NEGR1: variants seen among roughly 807,000 people sequenced by gnomAD.
The protein encoded by NEGR1 is IgLON family member 4.
In NEGR1, 10 loss-of-function variants were observed where a neutral mutation model predicts 40.9. The ratio of observed to expected loss-of-function variants is 0.24; its 90% CI spans 0.15 to 0.42. The LOEUF (loss-of-function observed/expected upper bound fraction) is 0.42. Ranked by LOEUF, NEGR1 falls within the 10% of genes least tolerant of loss-of-function variation. NEGR1 has a pLI of 1.00. For missense variants in NEGR1, 352 were observed against 438.9 expected (o/e 0.80, Z 1.77); for synonymous variants, 185 against 166.8 (o/e 1.11, Z -0.84).
intron 6 of NEGR1, among the ~76,000 whole-genome samples, chr1:71,576,290 A>C (rs992540465): frequency 2.0e-5 from 3 of 152,186 alleles, no homozygotes; most frequent in African/African-American, 7.2e-5. Context: ...TCTTCTCAGA[A>C]TGAGAGTCCT....
At chr1:71,533,139 T>A (rs940015260) in intron 6 of NEGR1, among the ~76,000 whole-genome samples, 3 of 151,590 alleles carry the variant, frequency 2.0e-5, no homozygotes, top group African/African-American at 7.3e-5. Context: ...AGGCAACATT[T>A]AGGAGTCATT....
intron 1 of NEGR1, among the ~76,000 whole-genome samples, chr1:72,081,360 C>A (rs181724498): frequency 2.9e-4 from 44 of 152,176 alleles, no homozygotes; most frequent in Non-Finnish European, 5.4e-4. Context: ...GTATAAATAT[C>A]TCTCCCTCTG....
At chr1:72,163,521 C>CAT (rs1045467917) in intron 1 of NEGR1, among the ~76,000 whole-genome samples, 6 of 151,996 alleles carry the variant, frequency 3.9e-5, no homozygotes, top group Non-Finnish European at 7.4e-5. Flanking sequence ...CAAATGGAGA[C>CAT]ATGAGAATGT....
chr1:72,194,577 A>T (rs1293118578), intron 1 of NEGR1, among the ~76,000 whole-genome samples: 1 of 152,020 alleles, frequency 6.6e-6, no homozygotes, highest in Admixed American at 6.6e-5. Flanking sequence ...AACTGAAAAT[A>T]ACCAGGAAGC....
chr1:71,810,208 C>G (rs891297090), intron 2 of NEGR1, among the ~76,000 whole-genome samples: 29 of 152,192 alleles, frequency 1.9e-4, no homozygotes, highest in African/African-American at 7.0e-4. Context: ...TTTGGTTAAG[C>G]TTTCCTTTGT....
intron 6 of NEGR1, among the ~76,000 whole-genome samples, chr1:71,548,900 G>A (rs1647986513): frequency 6.6e-6 from 1 of 151,662 alleles, no homozygotes. Flanking sequence ...CTTTGGTACA[G>A]CAAATATTGT....
At chr1:71,543,784 A>C (rs1165303146) in intron 6 of NEGR1, among the ~76,000 whole-genome samples, 2 of 151,728 alleles carry the variant, frequency 1.3e-5, no homozygotes, top group Admixed American at 1.3e-4. Flanking sequence ...GAAAAATCTC[A>C]GTTATGACCA....
intron 1 of NEGR1, among the ~76,000 whole-genome samples, chr1:72,208,037 C>G (rs1253187108): frequency 6.6e-6 from 1 of 151,468 alleles, no homozygotes; most frequent in African/African-American, 2.4e-5. Flanking sequence ...AAGAATAATT[C>G]TGCATATTCT....
At chr1:72,068,127 T>C (rs1329503226) in intron 1 of NEGR1, among the ~76,000 whole-genome samples, 2 of 152,192 alleles carry the variant, frequency 1.3e-5, no homozygotes, top group Non-Finnish European at 2.9e-5. Flanking sequence ...TCTGTAACAA[T>C]GTTGAGTTGT....
intron 3 of NEGR1, among the ~76,000 whole-genome samples, chr1:71,769,504 T>C (rs1656243342): frequency 1.3e-5 from 2 of 152,154 alleles, no homozygotes; most frequent in South Asian, 2.1e-4. Flanking sequence ...TAGGAGGTAA[T>C]TGAATGGTGA....
chr1:72,246,747 T>A (rs1304297048), intron 1 of NEGR1, among the ~76,000 whole-genome samples: 1 of 152,170 alleles, frequency 6.6e-6, no homozygotes, highest in Non-Finnish European at 1.5e-5. Flanking sequence ...CACTGGGGAC[T>A]CTGTGTGGGA....
intron 2 of NEGR1, among the ~76,000 whole-genome samples, chr1:71,811,448 C>T (rs989637694): frequency 1.3e-5 from 2 of 152,000 alleles, no homozygotes; most frequent in African/African-American, 2.4e-5. Context: ...TTCCTAACCA[C>T]CTTATTACAT....
intron 6 of NEGR1, among the ~76,000 whole-genome samples, chr1:71,474,185 A>T (rs538336889): frequency 3.3e-5 from 5 of 152,010 alleles, no homozygotes; most frequent in Non-Finnish European, 7.4e-5. Context: ...AGAAAAGTGA[A>T]CCCAGAGGGA....
chr1:71,644,479 G>C (rs1179436431), intron 4 of NEGR1, among the ~76,000 whole-genome samples: 1 of 151,762 alleles, frequency 6.6e-6, no homozygotes, highest in African/African-American at 2.4e-5. Context: ...AATGCTAACT[G>C]TTTATGGCCT....
At chr1:71,430,301 A>G (rs772669167) in intron 6 of NEGR1, among the ~76,000 whole-genome samples, 1 of 152,150 alleles carries the variant, frequency 6.6e-6, no homozygotes, top group Non-Finnish European at 1.5e-5. Flanking sequence ...TATTGCCTCT[A>G]TAAACCTCAG....
chr1:71,629,256 G>T (rs1013803066), intron 4 of NEGR1, among the ~76,000 whole-genome samples: 2 of 151,278 alleles, frequency 1.3e-5, no homozygotes, highest in Admixed American at 6.6e-5. Context: ...TTTTGATGGG[G>T]TTGTTAAAAA....
At chr1:71,921,027 C>A (rs1179268035) in intron 2 of NEGR1, among the ~76,000 whole-genome samples, 1 of 152,164 alleles carries the variant, frequency 6.6e-6, no homozygotes, top group Admixed American at 6.5e-5. Flanking sequence ...CCAAGGCTCA[C>A]ATAAATGCCA....
chr1:72,152,496 G>C (rs991546643), intron 1 of NEGR1, among the ~76,000 whole-genome samples: 8 of 152,068 alleles, frequency 5.3e-5, no homozygotes, highest in African/African-American at 1.9e-4. Context: ...TGATAAAGCT[G>C]CACAGAAAAA....
At chr1:71,986,760 G>C (rs1165471842) in intron 1 of NEGR1, among the ~76,000 whole-genome samples, 2 of 152,208 alleles carry the variant, frequency 1.3e-5, no homozygotes, top group Non-Finnish European at 2.9e-5. Context: ...GACTGTGTCA[G>C]ATTTGCAGAT....
Sources: gnomAD v4.1 joint callset for allele counts (sites outside exome capture counted in the v4.1 genomes callset) on GRCh38, gnomAD v4.1.1 for gene constraint, MANE v1.5 for transcripts, NCBI Gene and HGNC (gene_info 2026-07-23, HGNC 2026-07-21) for gene names.